Variants in CD5 observed in about 807,000 individuals in gnomAD.
The protein encoded by CD5 is T-cell surface glycoprotein CD5.
In CD5, 36 loss-of-function variants were observed where a neutral mutation model predicts 60.3. The observed-to-expected ratio is 0.60, with a 90% CI of 0.46 to 0.79. CD5 has a LOEUF of 0.79. Ranked by LOEUF, CD5 falls within the 30% of genes least tolerant of loss-of-function variation. The probability of loss-of-function intolerance (pLI) is 0.00; values close to 1 mark genes in which losing one functional copy is unlikely to be tolerated. For missense variants in CD5, 540 were observed against 630.6 expected, an observed-to-expected ratio of 0.86 and a Z score of 1.54; for synonymous variants, 230 against 257.6, an observed-to-expected ratio of 0.89 and a Z score of 1.03.
At chr11:61,114,454 G>GCATA (rs112878718) in intron 1 of CD5, among the ~76,000 whole-genome samples, 15 of 151,270 alleles carry the variant, frequency 9.9e-5, no homozygotes, top group African/African-American at 2.7e-4. Flanking sequence ...ACACATACAT[G>GCATA]CATACATACA....
intron 7 of CD5, among the ~76,000 whole-genome samples, 170 bp from the exon 8 acceptor site, chr11:61,123,714 G>A (rs1477597609): frequency 6.6e-6 from 1 of 152,044 alleles, no homozygotes; most frequent in East Asian, 1.9e-4. Flanking sequence ...GAGCAAGTTA[G>A]GAAACTGAGG....
At chr11:61,094,143 C>T in the CD5 span, among the ~76,000 whole-genome samples, 276 of 152,014 alleles carry the variant, frequency 1.8e-3, 2 homozygotes, top group Non-Finnish European at 3.4e-3. Flanking sequence ...AGCATCCCCG[C>T]GGGGAACTCT....
chr11:61,121,700 G>A lies in CD5; in HGVS notation c.895G>A (p.Ala299Thr). 6.2e-7 allele frequency: 1 copy of A among 1,606,410 alleles called. No individual in the cohort carries two copies. The highest frequency in any genetic ancestry group is 1.7e-4 in the Middle Eastern group (1 of 5,778). The change falls in exon 6 of 11, where the codon GCC becomes ACC. Residue 299 changes from alanine (A) to threonine (T), a missense_variant. Physicochemically the swap from Ala to Thr is moderately conservative, Grantham distance 58 (BLOSUM62 0). Transcript: ENST00000347785. ...VEVRQGAQWAALCDSSSARSS... is the reference protein window; with the variant it reads ...VEVRQGAQWATLCDSSSARSS... ...GGTGCGCCAGGGGGCTCAGTGGGCA[G>A]CCCTGTGTGACAGCTCTTCAGCCAG...
At chr11:61,103,332 G>A (rs879454391) in intron 1 of CD5, among the ~76,000 whole-genome samples, 1 of 152,332 alleles carries the variant, frequency 6.6e-6, no homozygotes, top group East Asian at 1.9e-4. Context: ...GGGGTTGGGG[G>A]TGTGAACTGG....
Position 61,126,383 on chromosome 11 carries a change from C to G in CD5, c.*98C>G, listed in dbSNP as rs368965790. On this transcript the variant is annotated 3_prime_UTR_variant, in exon 11 of 11. Transcript: ENST00000347785. ...TGAAATCATGTCCCTATTTCTACCCCGGCCAGAACATGGACAGAGGCCAGA... is the reference window on the plus strand; with the variant it reads ...TGAAATCATGTCCCTATTTCTACCCGGGCCAGAACATGGACAGAGGCCAGA... 5 of 152,330 alleles carry G rather than the reference C, an allele frequency of 3.3e-5. No individual in the cohort carries two copies. The highest frequency in any genetic ancestry group is 1.2e-4 in the African/African-American group (5 of 41,466). The allele number at this position is 152,330 out of a possible 1,614,324, so 9.4% of individuals were successfully genotyped here. A position where few individuals can be genotyped will look rare whatever the true frequency, so the allele number is the denominator to read the frequency against.
intron 6 of CD5, 79 bp downstream of exon 6, chr11:61,121,983 A>G (rs1406974638): frequency 7.7e-7 from 1 of 1,292,992 alleles, no homozygotes; most frequent in East Asian, 2.6e-5. Flanking sequence ...CATGTCTCTA[A>G]AGGGAAGCCC....
chr11:61,123,911 T>C lies in CD5; in HGVS notation c.1253T>C (p.Ile418Thr), dbSNP rs1456345501. Reference sequence around the variant, plus strand: ...CGCCAGAAGAAGCAGCGCCAGTGGATTGGCCCAACGGGAATGAACCAAAAC... The same window carrying C: ...CGCCAGAAGAAGCAGCGCCAGTGGACTGGCCCAACGGGAATGAACCAAAAC... ...KFRQKKQRQW[I>T]GPTGMNQNMS... Residue 418 changes from isoleucine (I) to threonine (T), a missense_variant, in exon 8 of 11, where the codon ATT (isoleucine) becomes ACT (threonine). Ile to Thr is a moderately conservative substitution (Grantham distance 89). Coordinates refer to ENST00000347785, the MANE Select transcript of CD5 (RefSeq NM_014207.4). The C allele has an allele frequency of 1.2e-6, 2 of 1,608,886 alleles. No individual in the cohort carries two copies. Among genetic ancestry groups the C allele is most frequent in the East Asian group, 2.2e-5 (1 of 44,588 alleles).
upstream of CD5, among the ~76,000 whole-genome samples, chr11:61,099,976 ATT>A (rs1442310644): frequency 2.0e-5 from 3 of 149,366 alleles, no homozygotes; most frequent in African/African-American, 2.5e-5. Flanking sequence ...TGGAGATCAC[ATT>A]CACACACATC....
chr11:61,096,391 G>A, the CD5 span, among the ~76,000 whole-genome samples: 2 of 152,246 alleles, frequency 1.3e-5, no homozygotes, highest in African/African-American at 4.8e-5. Context: ...ACAACTGGGG[G>A]CAAGGACGTT....
chr11:61,097,194 T>C, the CD5 span, among the ~76,000 whole-genome samples: 1 of 152,134 alleles, frequency 6.6e-6, no homozygotes, highest in African/African-American at 2.4e-5. Context: ...TGTCACTTCA[T>C]GTTATGTATG....
At chr11:61,123,806 G>GA in intron 7 of CD5, 78 bp from the exon 8 acceptor site, 2 of 605,000 alleles carry the variant, frequency 3.3e-6, no homozygotes, top group Non-Finnish European at 3.0e-6. Context: ...CCCAGGCCCA[G>GA]CCCCATCCCC....
At chr11:61,124,083 G>A in intron 8 of CD5, 146 bp downstream of exon 8, 1 of 685,332 alleles carries the variant, frequency 1.5e-6, no homozygotes, top group South Asian at 1.7e-5. Context: ...ATGTGACTGT[G>A]GCCAACAGAC....
upstream of CD5, among the ~76,000 whole-genome samples, chr11:61,099,554 C>T: frequency 1.4e-5 from 2 of 147,756 alleles, no homozygotes; most frequent in African/African-American, 2.6e-5. Context: ...ACATGGAGAT[C>T]ACACACACAC....
At chr11:61,099,879 TAC>T (rs1254724351), upstream of CD5, among the ~76,000 whole-genome samples, 2 of 134,106 alleles carry the variant, frequency 1.5e-5, no homozygotes, top group African/African-American at 5.9e-5. Context: ...ATGGAGATCA[TAC>T]ACACACATCA....
Position 61,119,618 on chromosome 11 carries a change from C to T in CD5, c.805+43C>T, listed in dbSNP as rs753178096. The T allele has an allele frequency of 2.8e-6, 4 of 1,431,506 alleles. No individual in the cohort carries two copies. In the South Asian group the frequency reaches 5.0e-5, roughly 18 times the overall value. 88.7% of individuals were successfully genotyped at this position (1,431,506 alleles called of 1,614,324 possible). On this transcript the variant is annotated intron_variant, in intron 5 of 10. Transcript: ENST00000347785. ...AAGCCCCATGACACCTTCTGCTGCC[C>T]TAGGTGGGGTCACAGAGCATCCCAG...
At chr11:61,122,274 G>A (rs1861072190) in intron 6 of CD5, among the ~76,000 whole-genome samples, 2 of 145,448 alleles carry the variant, frequency 1.4e-5, no homozygotes, top group South Asian at 4.6e-4. Flanking sequence ...ATGGATGGAT[G>A]GATGGATGGA....
At chr11:61,119,132 G>T in intron 4 of CD5, 102 bp from the exon 5 acceptor site, 1 of 1,241,158 alleles carries the variant, frequency 8.1e-7, no homozygotes, top group African/African-American at 1.5e-5. Flanking sequence ...AAGGCTAAGC[G>T]TTAGTCAGTA....
chr11:61,116,302 A>ACC (rs1267084654), intron 2 of CD5, among the ~76,000 whole-genome samples: 4 of 151,740 alleles, frequency 2.6e-5, no homozygotes, highest in Admixed American at 1.3e-4. Flanking sequence ...CCCGACGTCG[A>ACC]CCCCAACACC....
intron 1 of CD5, among the ~76,000 whole-genome samples, chr11:61,110,594 CCAT>C (rs1445086691): frequency 1.3e-5 from 2 of 152,186 alleles, no homozygotes; most frequent in Non-Finnish European, 2.9e-5. Context: ...CTGGGGCAGG[CCAT>C]CATGGGCTTC....
Sources: gnomAD v4.1 joint callset for allele counts (sites outside exome capture counted in the v4.1 genomes callset) on GRCh38, gnomAD v4.1.1 for gene constraint, MANE v1.5 for transcripts, NCBI Gene and HGNC (gene_info 2026-07-23, HGNC 2026-07-21) for gene names.